SLC30A8: variants seen among roughly 807,000 people sequenced by gnomAD.
The protein encoded by SLC30A8 is solute carrier family 30 member 8.
SLC30A8 carries 27 observed loss-of-function variants against 36.9 expected under a neutral mutation model. The observed-to-expected ratio is 0.73, with a 90% CI of 0.54 to 1.01. The LOEUF (loss-of-function observed/expected upper bound fraction) is 1.01, where lower values mean the gene tolerates loss of function less well. SLC30A8 is among the 50% of genes least tolerant of loss of function. The probability of loss-of-function intolerance (pLI) is 0.00; values close to 1 mark genes in which losing one functional copy is unlikely to be tolerated. For missense variants in SLC30A8, 439 were observed against 452.0 expected (o/e 0.97, Z 0.26); for synonymous variants, 164 against 172.4 (o/e 0.95, Z 0.38).
intron 1 of SLC30A8, among the ~76,000 whole-genome samples, chr8:116,964,538 A>G (rs1289586623): frequency 2.0e-5 from 3 of 152,214 alleles, no homozygotes; most frequent in Non-Finnish European, 2.9e-5. Flanking sequence ...GGAGCTCATC[A>G]TCCTAGCAAA....
chr8:116,975,975 A>G (rs936081789), intron 1 of SLC30A8, among the ~76,000 whole-genome samples: 3 of 152,198 alleles, frequency 2.0e-5, no homozygotes, highest in South Asian at 2.1e-4. Context: ...TCCTGTTCAA[A>G]TATGGGAGAG....
chr8:116,971,291 C>T (rs1044062200), intron 1 of SLC30A8, among the ~76,000 whole-genome samples: 29 of 151,668 alleles, frequency 1.9e-4, no homozygotes, highest in African/African-American at 6.5e-4. Flanking sequence ...GTTATAGAGG[C>T]ATTCCCTGTA....
At chr8:117,048,876 A>G (rs144399422) in intron 2 of SLC30A8, among the ~76,000 whole-genome samples, 32 of 152,302 alleles carry the variant, frequency 2.1e-4, no homozygotes, top group Middle Eastern at 6.8e-3. Flanking sequence ...TCTCAATTCC[A>G]TTTCTTTTTA....
chr8:117,101,192 T>C (rs1292847081), intron 2 of SLC30A8, among the ~76,000 whole-genome samples: 1 of 152,158 alleles, frequency 6.6e-6, no homozygotes, highest in East Asian at 1.9e-4. Context: ...AGATAAAGTG[T>C]TTACTGACTT....
intron 2 of SLC30A8, among the ~76,000 whole-genome samples, chr8:117,085,044 C>A (rs896521628): frequency 6.6e-6 from 1 of 152,020 alleles, no homozygotes; most frequent in African/African-American, 2.4e-5. Context: ...GGAATTGATT[C>A]TGTTTCTGGA....
intron 1 of SLC30A8, among the ~76,000 whole-genome samples, chr8:117,029,437 A>T (rs551992143): frequency 6.6e-6 from 1 of 152,354 alleles, no homozygotes; most frequent in African/African-American, 2.4e-5. Flanking sequence ...TCAGAGCCAG[A>T]CCTTCAAGGT....
intron 2 of SLC30A8, among the ~76,000 whole-genome samples, chr8:117,086,060 G>T (rs1228235254): frequency 6.6e-6 from 1 of 152,056 alleles, no homozygotes; most frequent in Non-Finnish European, 1.5e-5. Flanking sequence ...TTCCTACTAG[G>T]TGTCAAAAAA....
At chr8:116,980,851 A>AATT (rs1350883741) in intron 1 of SLC30A8, among the ~76,000 whole-genome samples, 1 of 151,864 alleles carries the variant, frequency 6.6e-6, no homozygotes, top group Non-Finnish European at 1.5e-5. Flanking sequence ...TTCACATATT[A>AATT]ATTATTATAA....
At chr8:116,969,419 G>T (rs947997798) in intron 1 of SLC30A8, among the ~76,000 whole-genome samples, 2 of 152,208 alleles carry the variant, frequency 1.3e-5, no homozygotes, top group Non-Finnish European at 2.9e-5. Context: ...TTCTGTGCCT[G>T]GTTTACCCAT....
chr8:117,166,674 GC>G (rs1823070262), intron 6 of SLC30A8, among the ~76,000 whole-genome samples: 1 of 152,018 alleles, frequency 6.6e-6, no homozygotes, highest in Admixed American at 6.6e-5. Flanking sequence ...CCACATGCTG[GC>G]CCTGGGAATG....
intron 1 of SLC30A8, among the ~76,000 whole-genome samples, chr8:117,139,247 T>C (rs750343132): frequency 1.6e-4 from 24 of 152,080 alleles, no homozygotes; most frequent in Admixed American, 4.6e-4. Context: ...TATTTGGAGA[T>C]AGGGCCTCTA....
chr8:117,006,601 G>C (rs796556241), intron 1 of SLC30A8, among the ~76,000 whole-genome samples: 20 of 152,074 alleles, frequency 1.3e-4, no homozygotes, highest in African/African-American at 4.8e-4. Flanking sequence ...ATTGTATGTA[G>C]GGATCTGTTG....
Position 117,034,781 on chromosome 8 carries a change from C to G in SLC30A8, c.-265-4438C>G, listed in dbSNP as rs193105762. The stretch of plus-strand genomic sequence containing the variant: ...AAGAGGTTTAATTGACTCAACAGTT[C>G]TGCATGGCTGAGGAGTCCTCAGGAA... On this transcript the variant is annotated intron_variant, in intron 1 of 10. Transcript: ENST00000427715. Among the ~76,000 whole-genome samples the G allele has an allele frequency of 2.6e-5, 4 of 152,290 alleles. No individual in the cohort carries two copies. In the East Asian group the frequency reaches 7.7e-4, roughly 29 times the overall value.
Position 116,977,141 on chromosome 8 carries a change from C to CTTTTTTTTTTT in SLC30A8, c.-266+26035_-266+26045dup, listed in dbSNP as rs71305451. On this transcript the variant is annotated intron_variant, in intron 1 of 10. Coordinates refer to the SLC30A8 transcript ENST00000427715. ...CTTTTCTTTCTTTTTCTTTTTCTTG[C>CTTTTTTTTTTT]TTTTTTTTTTTTTTTTTTTTTTTGA... 3.5e-3 allele frequency among the ~76,000 whole-genome samples: 209 copies of CTTTTTTTTTTT among 59,098 alleles called. 1 individual carries two copies. Among genetic ancestry groups the CTTTTTTTTTTT allele is most frequent in the Non-Finnish European group, 4.0e-3 (144 of 35,646 alleles). The allele number at this position is 59,098 out of a possible 152,430, so 38.8% of individuals were successfully genotyped here. A position where few individuals can be genotyped will look rare whatever the true frequency, so the allele number is the denominator to read the frequency against.
chr8:117,140,104 T>C (rs1169788475), intron 1 of SLC30A8, among the ~76,000 whole-genome samples: 1 of 151,974 alleles, frequency 6.6e-6, no homozygotes, highest in Non-Finnish European at 1.5e-5. Context: ...AAATTAAAAA[T>C]TCACTAGAGG....
chr8:117,056,862 C>T (rs535608143), intron 2 of SLC30A8, among the ~76,000 whole-genome samples: 102 of 152,188 alleles, frequency 6.7e-4, no homozygotes, highest in African/African-American at 2.3e-3. Context: ...GGAGGCATTG[C>T]TGTAGAGTGA....
At chr8:116,959,687 C>T (rs1179324622) in intron 1 of SLC30A8, among the ~76,000 whole-genome samples, 1 of 152,088 alleles carries the variant, frequency 6.6e-6, no homozygotes, top group African/African-American at 2.4e-5. Context: ...GTTAACTATT[C>T]CCAGCTATGG....
chr8:117,122,069 A>C (rs1332888203), intron 2 of SLC30A8, among the ~76,000 whole-genome samples: 1 of 151,934 alleles, frequency 6.6e-6, no homozygotes, highest in African/African-American at 2.4e-5. Flanking sequence ...AGGGTATTAG[A>C]GTGGCCCTTT....
chr8:117,170,155 G>C (rs890514595), intron 6 of SLC30A8, among the ~76,000 whole-genome samples: 42 of 152,180 alleles, frequency 2.8e-4, no homozygotes, highest in African/African-American at 9.9e-4. Flanking sequence ...AATTGGTCTT[G>C]GGTGTAACTT....
Sources: allele counts gnomAD v4.1 joint callset (sites outside exome capture counted in the v4.1 genomes callset), GRCh38; gene constraint gnomAD v4.1.1; transcripts MANE v1.5; gene names NCBI Gene and HGNC (gene_info 2026-07-23, HGNC 2026-07-21).